P2RY6: variants seen among roughly 807,000 people sequenced by gnomAD.
P2RY6 encodes P2Y purinoceptor 6.
In P2RY6, 19 loss-of-function variants were observed where a neutral mutation model predicts 16.3. That is an observed-to-expected ratio of 1.16 (90% CI 0.81 to 1.71). P2RY6 has a LOEUF of 1.71. Among genes scored for constraint, P2RY6 ranks in the 40% most tolerant of loss-of-function variants. The probability of loss-of-function intolerance (pLI) is 0.00; values close to 1 mark genes in which losing one functional copy is unlikely to be tolerated. For synonymous variants in P2RY6, 184 were observed against 201.5 expected (o/e 0.91, Z 0.74); for missense variants, 389 against 455.5 (o/e 0.85, Z 1.33).
At chr11:73,274,555 AG>A (rs1320468279) in intron 1 of P2RY6, among the ~76,000 whole-genome samples, 5 of 151,112 alleles carry the variant, frequency 3.3e-5, no homozygotes, top group Admixed American at 1.3e-4. Flanking sequence ...AAAAAAAAAA[AG>A]AAAGAAAGAA....
chr11:73,287,075 A>T (rs543995531), intron 1 of P2RY6, among the ~76,000 whole-genome samples: 1 of 152,342 alleles, frequency 6.6e-6, no homozygotes, highest in East Asian at 1.9e-4. Flanking sequence ...CCTCAGGCAC[A>T]GCTGAAACCA....
intron 1 of P2RY6, among the ~76,000 whole-genome samples, chr11:73,274,750 T>C (rs1402910575): frequency 6.6e-6 from 1 of 152,056 alleles, no homozygotes; most frequent in African/African-American, 2.4e-5. Context: ...TTAGAGTGAG[T>C]CGGCAGAACC....
intron 1 of P2RY6, among the ~76,000 whole-genome samples, chr11:73,279,139 T>A (rs1051247186): frequency 2.6e-5 from 4 of 152,104 alleles, no homozygotes; most frequent in Non-Finnish European, 5.9e-5. Context: ...ATGTTGAGCA[T>A]CTTTTCATAT....
chr11:73,279,047 T>A (rs1334954021), intron 1 of P2RY6, among the ~76,000 whole-genome samples: 1 of 152,038 alleles, frequency 6.6e-6, no homozygotes, highest in South Asian at 2.1e-4. Context: ...GTTGGCCTTT[T>A]TTTTTTTTTT....
Position 73,297,158 on chromosome 11 carries a change from C to A in P2RY6, c.640C>A (p.Leu214Ile). The A allele has an allele frequency of 6.2e-7, 1 of 1,604,816 alleles. No homozygotes were observed. Among genetic ancestry groups the A allele is most frequent in the Non-Finnish European group, 8.5e-7 (1 of 1,179,860 alleles). Residue 214 changes from leucine (L) to isoleucine (I), a missense_variant, in exon 3 of 3, where the codon CTC (leucine) becomes ATC (isoleucine). Physicochemically the swap from Leu to Ile is conservative, Grantham distance 5 (BLOSUM62 2). Transcript: ENST00000540124. ...PFAALLACYC[L>I]LACRLCRQDG... is the part of the protein sequence containing the mutation. ...TGCTGCCCTGCTGGCCTGCTACTGT[C>A]TCCTGGCCTGCCGCCTGTGCCGCCA... is the stretch of plus-strand genomic sequence containing the variant.
intron 1 of P2RY6, among the ~76,000 whole-genome samples, chr11:73,286,880 T>C (rs1863993829): frequency 6.6e-6 from 1 of 152,210 alleles, no homozygotes; most frequent in South Asian, 2.1e-4. Context: ...GGTGGATTTA[T>C]AGTGCACTTT....
At chr11:73,279,043 CT>C (rs766418768) in intron 1 of P2RY6, among the ~76,000 whole-genome samples, 624 of 137,368 alleles carry the variant, frequency 4.5e-3, no homozygotes, top group Non-Finnish European at 4.8e-3. Context: ...CTAGGTTGGC[CT>C]TTTTTTTTTT....
In P2RY6 at chr11:73,285,617, G is replaced by C. The variant is rs575214040; in HGVS notation, c.-120-10113G>C. 6.6e-5 allele frequency among the ~76,000 whole-genome samples: 10 copies of C among 152,344 alleles called. No homozygotes were observed. In the South Asian group the frequency reaches 1.7e-3, roughly 25 times the overall value. On this transcript the variant is annotated intron_variant, in intron 1 of 2. Transcript: ENST00000540124. ...TGATTGGAAGATCACTGACGGATTG[G>C]TGGCCCTGGCAAGTAACTAAGCTGT...
chr11:73,297,329 G>A lies in P2RY6; in HGVS notation c.811G>A (p.Val271Ile), dbSNP rs200512829. 8.5e-5 allele frequency: 137 copies of A among 1,610,750 alleles called. No individual in the cohort carries two copies. Among genetic ancestry groups the A allele is most frequent in the Admixed American group, 2.3e-4 (14 of 59,994 alleles). The change falls in exon 3 of 3, where the codon GTC (valine) becomes ATC (isoleucine). Residue 271 changes from valine (V) to isoleucine (I), a missense_variant. Physicochemically the swap from Val to Ile is conservative, Grantham distance 29. Transcript: ENST00000540124. ...CCTGGCAGTGCGCTCGACGCCGGGC[G>A]TCCCCTGCACTGTATTGGAGGCCTT... ...AYLAVRSTPG[V>I]PCTVLEAFAA...
intron 1 of P2RY6, chr11:73,293,025 T>C (rs1195436862): frequency 1.0e-5 from 6 of 593,522 alleles, no homozygotes; most frequent in Non-Finnish European, 1.3e-5. Context: ...GTAGGCTGGG[T>C]TCAGCATTGA....
At chr11:73,272,100 A>G (rs1863336868), upstream of P2RY6, 1 of 152,332 alleles carries the variant, frequency 6.6e-6, no homozygotes, top group Admixed American at 6.5e-5. Context: ...ATCTCACTCC[A>G]TCCTCCCAAC....
chr11:73,271,701 C>T (rs1350066660), upstream of P2RY6: 2 of 152,308 alleles, frequency 1.3e-5, no homozygotes, highest in Non-Finnish European at 2.9e-5. Flanking sequence ...GGGTCTGGTT[C>T]CTTGGTTTCA....
chr11:73,277,999 T>C (rs1268855822), intron 1 of P2RY6, among the ~76,000 whole-genome samples: 1 of 152,150 alleles, frequency 6.6e-6, no homozygotes, highest in Non-Finnish European at 1.5e-5. Flanking sequence ...TGTTTGTTTG[T>C]TGTTATTTTG....
Position 73,297,352 on chromosome 11 carries a change from C to T in P2RY6, c.834C>T (p.Ala278=), listed in dbSNP as rs1447677198. ...GCGTCCCCTGCACTGTATTGGAGGC[C>T]TTTGCAGCGGCCTACAAAGGCACGC... ...TPGVPCTVLE[A]FAAAYKGTRP... Residue 278 remains alanine (A), a synonymous_variant, in exon 3 of 3, where the codon GCC becomes GCT. Transcript: ENST00000540124. The T allele has an allele frequency of 1.2e-6, 2 of 1,612,450 alleles. No homozygotes were observed. Among genetic ancestry groups the T allele is most frequent in the Admixed American group, 1.7e-5 (1 of 60,034 alleles).
At chr11:73,272,225 G>A, upstream of P2RY6, 1 of 382,812 alleles carries the variant, frequency 2.6e-6, no homozygotes, top group Non-Finnish European at 3.6e-6. Flanking sequence ...TAAAGGACTG[G>A]AGCTTCAGGG....
upstream of P2RY6, among the ~76,000 whole-genome samples, chr11:73,267,775 C>A (rs138888657): frequency 6.1e-3 from 927 of 152,308 alleles, 9 homozygotes; most frequent in African/African-American, 0.022. Context: ...CCATAGAAAC[C>A]TTTGCCTACT....
chr11:73,283,720 TGTAA>T (rs947930535), intron 1 of P2RY6, among the ~76,000 whole-genome samples: 1 of 152,150 alleles, frequency 6.6e-6, no homozygotes, highest in Non-Finnish European at 1.5e-5. Context: ...TGGGCCTGAC[TGTAA>T]GTGTGTGAGA....
chr11:73,275,361 G>A (rs1196648025), intron 1 of P2RY6, among the ~76,000 whole-genome samples: 2 of 152,212 alleles, frequency 1.3e-5, no homozygotes, highest in Non-Finnish European at 2.9e-5. Flanking sequence ...TCATGCCAGA[G>A]GGATGGGAAC....
chr11:73,270,395 A>T (rs926750363), upstream of P2RY6, among the ~76,000 whole-genome samples: 37 of 151,902 alleles, frequency 2.4e-4, no homozygotes, highest in African/African-American at 8.5e-4. Context: ...CCACAGAAAC[A>T]CCTCACACTC....
Sources: gnomAD v4.1 joint callset for allele counts (sites outside exome capture counted in the v4.1 genomes callset) on GRCh38, gnomAD v4.1.1 for gene constraint, MANE v1.5 for transcripts, NCBI Gene and HGNC (gene_info 2026-07-23, HGNC 2026-07-21) for gene names.